The following SCARB1 variants were observed in gnomAD, a reference collection of about 807,000 sequenced individuals.
SCARB1 encodes CD36 and LIMPII analogous 1.
SCARB1 carries 30 observed loss-of-function variants against 57.2 expected under a neutral mutation model. The observed-to-expected ratio is 0.52, with a 90% CI of 0.39 to 0.71. The LOEUF (loss-of-function observed/expected upper bound fraction) is 0.71, where lower values mean the gene tolerates loss of function less well. Among genes scored for constraint, SCARB1 ranks in the 30% least tolerant of loss-of-function variants. The pLI is 0.00. For missense variants in SCARB1, 543 were observed against 671.2 expected (o/e 0.81, Z 2.11); for synonymous variants, 249 against 268.3 (o/e 0.93, Z 0.70).
intron 1 of SCARB1, among the ~76,000 whole-genome samples, chr12:124,848,132 G>A (rs972906860): frequency 1.3e-5 from 2 of 152,206 alleles, no homozygotes; most frequent in African/African-American, 4.8e-5. Flanking sequence ...CGCCCAGGCT[G>A]GAGTGCAGTG....
At chr12:124,824,890 C>T (rs912153447) in intron 1 of SCARB1, among the ~76,000 whole-genome samples, 7 of 152,328 alleles carry the variant, frequency 4.6e-5, no homozygotes, top group South Asian at 2.1e-4. Flanking sequence ...CTCCATTATT[C>T]GCCCCTCTGG....
chr12:124,805,488 C>T (rs1196547671), intron 7 of SCARB1, among the ~76,000 whole-genome samples: 1 of 152,092 alleles, frequency 6.6e-6, no homozygotes, highest in Non-Finnish European at 1.5e-5. Context: ...CCTGCAGGGC[C>T]CAGGGCCATG....
chr12:124,802,715 G>A (rs774131027), intron 7 of SCARB1, among the ~76,000 whole-genome samples: 19 of 152,184 alleles, frequency 1.2e-4, no homozygotes, highest in Non-Finnish European at 2.2e-4. Context: ...TAGCTTTATG[G>A]CATATCTAGC....
Position 124,787,503 on chromosome 12 carries a change from C to T in SCARB1, c.1203-46G>A. 4.5e-6 allele frequency: 7 copies of T among 1,542,610 alleles called. No individual in the cohort carries two copies. In the South Asian group the frequency reaches 7.9e-5, roughly 17 times the overall value. ...GCTGTGTGAAACAAAGTCTTACACC[C>T]AAACTTGATCTAATTCTGCTTGAAT... On this transcript the variant is annotated intron_variant, in intron 9 of 12. Coordinates refer to ENST00000261693, the MANE Select transcript of SCARB1 (RefSeq NM_005505.5).
intron 12 of SCARB1, among the ~76,000 whole-genome samples, chr12:124,779,421 A>G (rs1872978299): frequency 6.6e-6 from 1 of 152,152 alleles, no homozygotes; most frequent in African/African-American, 2.4e-5. Context: ...CAGAAAAAAC[A>G]AACCCACGTG....
chr12:124,818,519 T>G lies in SCARB1; in HGVS notation c.127-812A>C, dbSNP rs917731974. On this transcript the variant is annotated intron_variant, in intron 1 of 12. Coordinates refer to ENST00000261693, the MANE Select transcript of SCARB1 (RefSeq NM_005505.5). The stretch of plus-strand genomic sequence containing the variant: ...TCTCACTCTGTTGCCCAGGCTGGAG[T>G]GCAGTGGCATGATCTTGGCTAACTG... Among the ~76,000 whole-genome samples the G allele has an allele frequency of 7.2e-5, 11 of 152,322 alleles. No homozygotes were observed. The East Asian group carries it at 1.9e-3, about 27-fold the overall frequency.
intron 1 of SCARB1, among the ~76,000 whole-genome samples, chr12:124,855,901 G>A (rs10128951): frequency 0.47 from 71,944 of 152,076 alleles, 18,520 homozygotes; most frequent in East Asian, 0.71. Context: ...CGCCACTGGG[G>A]CCAAGACTCA....
rs143891649 is a variant in SCARB1 at position 124,825,499 on chromosome 12, C to T, written c.127-7792G>A. Among the ~76,000 whole-genome samples the T allele has an allele frequency of 1.1e-3, 173 of 152,006 alleles. 2 individuals carry two copies. In the East Asian group the frequency reaches 0.028, roughly 25 times the overall value. On this transcript the variant is annotated intron_variant, in intron 1 of 12. Coordinates refer to ENST00000261693, the MANE Select transcript of SCARB1 (RefSeq NM_005505.5). ...CAGCCGGGCCAACATGGTGCAACCC[C>T]GTCTCTACTAAAACTACAAAAATTA...
At chr12:124,813,697 C>G (rs567244626) in intron 4 of SCARB1, among the ~76,000 whole-genome samples, 21 of 151,900 alleles carry the variant, frequency 1.4e-4, no homozygotes, top group African/African-American at 4.4e-4. Context: ...ACCACGATAT[C>G]CCCCCCAGCA....
At chr12:124,834,311 G>A (rs946177418) in intron 1 of SCARB1, among the ~76,000 whole-genome samples, 24 of 152,232 alleles carry the variant, frequency 1.6e-4, no homozygotes, top group African/African-American at 5.5e-4. Flanking sequence ...AGGCTGGGCC[G>A]GGACCAGAAA....
intron 1 of SCARB1, among the ~76,000 whole-genome samples, chr12:124,849,767 C>T (rs1006114558): frequency 1.3e-5 from 2 of 152,236 alleles, no homozygotes; most frequent in African/African-American, 2.4e-5. Context: ...AAACTTTCCC[C>T]GTTAGAGCAA....
chr12:124,858,538 T>A (rs1287921633), intron 1 of SCARB1, among the ~76,000 whole-genome samples: 1 of 152,036 alleles, frequency 6.6e-6, no homozygotes, highest in Non-Finnish European at 1.5e-5. Context: ...ATCTGGCCAG[T>A]CTTTGAGGAA....
intron 12 of SCARB1, 50 bp from the exon 13 acceptor site, chr12:124,778,636 C>T (rs1026684927): frequency 3.6e-6 from 5 of 1,395,260 alleles, no homozygotes; most frequent in Non-Finnish European, 4.6e-6. Flanking sequence ...GTCACCAAAC[C>T]CCACCCTCAT....
intron 1 of SCARB1, among the ~76,000 whole-genome samples, chr12:124,829,547 C>T (rs1229578806): frequency 7.6e-6 from 1 of 131,970 alleles, no homozygotes; most frequent in Admixed American, 7.8e-5. Flanking sequence ...TTCCTATCTG[C>T]CTCGCTCACT....
chr12:124,859,735 C>G (rs1466458010), intron 1 of SCARB1, among the ~76,000 whole-genome samples: 1 of 152,056 alleles, frequency 6.6e-6, no homozygotes, highest in African/African-American at 2.4e-5. Context: ...TTTGGAAGGC[C>G]AAGGCAGAAG....
intron 1 of SCARB1, among the ~76,000 whole-genome samples, chr12:124,821,955 C>A (rs993998754): frequency 6.6e-6 from 1 of 152,150 alleles, no homozygotes; most frequent in African/African-American, 2.4e-5. Context: ...GTCCCCACCA[C>A]CCCCAAGGTC....
At chr12:124,806,915 T>C (rs1158566985) in intron 7 of SCARB1, among the ~76,000 whole-genome samples, 1 of 151,482 alleles carries the variant, frequency 6.6e-6, no homozygotes, top group African/African-American at 2.4e-5. Context: ...AATATAAAAA[T>C]AGGCTGGGCG....
At chr12:124,820,870 C>G (rs1383039026) in intron 1 of SCARB1, among the ~76,000 whole-genome samples, 1 of 152,208 alleles carries the variant, frequency 6.6e-6, no homozygotes, top group Non-Finnish European at 1.5e-5. Context: ...TGTGCACACA[C>G]CAGCCCATCA....
Position 124,817,074 on chromosome 12 carries a change from ATGTGTGTGTATGTATG to A in SCARB1, c.284+460_284+475del, listed in dbSNP as rs1566191395. Among the ~76,000 whole-genome samples the A allele has an allele frequency of 3.4e-5, 5 of 146,930 alleles. No homozygotes were observed. The highest frequency in any genetic ancestry group is 2.0e-4 in the East Asian group (1 of 5,122). Reference sequence around the variant, plus strand: ...TATGTGTGTATGCATGTGTAGGTACATGTGTGTGTATGTATGTGTGTGTGTATGTGTATGTACGTGT... The same window carrying A: ...TATGTGTGTATGCATGTGTAGGTACATGTGTGTGTATGTGTATGTACGTGT... On this transcript the variant is annotated intron_variant, in intron 2 of 12. Transcript: ENST00000261693. This position sits in a 1 kb window ranked among gnomAD's most constrained non-coding sequence, Gnocchi z 4.8.
Sources: allele counts gnomAD v4.1 joint callset (sites outside exome capture counted in the v4.1 genomes callset), GRCh38; gene constraint gnomAD v4.1.1; non-coding constraint Gnocchi (gnomAD v3.1); transcripts MANE v1.5; gene names NCBI Gene and HGNC (gene_info 2026-07-23, HGNC 2026-07-21).